B9D1: variants seen among roughly 807,000 people sequenced by gnomAD.
B9D1 encodes B9 domain-containing protein 1.
In B9D1, 20 loss-of-function variants were observed where a neutral mutation model predicts 26.1. The observed-to-expected ratio is 0.77, with a 90% CI of 0.54 to 1.12. B9D1 has a LOEUF of 1.12. Among genes scored for constraint, B9D1 ranks in the 50% most tolerant of loss-of-function variants. The probability of loss-of-function intolerance (pLI) is 0.00; values close to 1 mark genes in which losing one functional copy is unlikely to be tolerated. For missense variants in B9D1, 260 were observed against 273.7 expected (o/e 0.95, Z 0.35); for synonymous variants, 105 against 103.1 (o/e 1.02, Z -0.11).
chr17:19,342,926 C>T (rs1908141280), downstream of B9D1: 2 of 290,722 alleles, frequency 6.9e-6, no homozygotes, highest in African/African-American at 4.5e-5. Context: ...GTGCCATGCC[C>T]AGTTAGTTCA....
At chr17:19,336,308 T>G (rs1474769326), downstream of B9D1, 4 of 152,438 alleles carry the variant, frequency 2.6e-5, no homozygotes, top group East Asian at 7.7e-4. Flanking sequence ...AGAAAGGTGC[T>G]TTCCTTCAGA....
intron 5 of B9D1, among the ~76,000 whole-genome samples, chr17:19,344,339 T>G (rs1015327801): frequency 5.9e-5 from 9 of 152,166 alleles, no homozygotes; most frequent in African/African-American, 1.9e-4. Flanking sequence ...TCCTCAGCCT[T>G]ACCTCCCACT....
chr17:19,354,466 C>T (rs1555609453), intron 3 of B9D1, among the ~76,000 whole-genome samples: 1 of 152,232 alleles, frequency 6.6e-6, no homozygotes, highest in Non-Finnish European at 1.5e-5. Context: ...CATAATGAAA[C>T]ATAAATCTTA....
chr17:19,344,313 G>C (rs2152254510), intron 5 of B9D1, among the ~76,000 whole-genome samples: 2 of 152,340 alleles, frequency 1.3e-5, no homozygotes, highest in Non-Finnish European at 2.9e-5. Context: ...GGGGTGGGCA[G>C]AAGGGCCAGA....
chr17:19,367,360 G>A (rs1395244446), upstream of B9D1, among the ~76,000 whole-genome samples: 2 of 141,332 alleles, frequency 1.4e-5, no homozygotes, highest in Non-Finnish European at 3.0e-5. Context: ...TGCCCAGGCT[G>A]GAGTGCAGTG....
downstream of B9D1, chr17:19,335,385 A>G (rs1317000611): frequency 1.3e-6 from 2 of 1,547,498 alleles, no homozygotes; most frequent in African/African-American, 2.7e-5. Context: ...TTATCAACTA[A>G]TTCCTTTTTT....
chr17:19,374,126 T>G (rs939642924), intron 1 of B9D1, among the ~76,000 whole-genome samples: 1 of 152,194 alleles, frequency 6.6e-6, no homozygotes, highest in Non-Finnish European at 1.5e-5. Context: ...CTGAAACACA[T>G]GTCATCTCAG....
At chr17:19,358,611 T>C (rs1196135712) in intron 2 of B9D1, among the ~76,000 whole-genome samples, 1 of 152,218 alleles carries the variant, frequency 6.6e-6, no homozygotes, top group Non-Finnish European at 1.5e-5. Context: ...GCTTACTCCT[T>C]GATACACTGT....
At chr17:19,335,561 T>G (rs1907374260), downstream of B9D1, 28 of 1,236,100 alleles carry the variant, frequency 2.3e-5, no homozygotes, top group East Asian at 1.1e-4. Context: ...GGGCGTGGGG[T>G]GGGGGGTGCT....
chr17:19,367,415 G>A (rs1248367549), upstream of B9D1, among the ~76,000 whole-genome samples: 1 of 150,726 alleles, frequency 6.6e-6, no homozygotes, highest in Non-Finnish European at 1.5e-5. Flanking sequence ...GGGTTCAAGC[G>A]ATTCTCCTGC....
chr17:19,339,283 T>C (rs1907708525), downstream of B9D1, among the ~76,000 whole-genome samples: 1 of 152,154 alleles, frequency 6.6e-6, no homozygotes, highest in African/African-American at 2.4e-5. Flanking sequence ...CTTACTGTGA[T>C]AGCATTCCAA....
At chr17:19,344,449 GC>G in intron 5 of B9D1, 1 of 255,502 alleles carries the variant, frequency 3.9e-6, no homozygotes, top group Non-Finnish European at 8.0e-6. Flanking sequence ...GCCCTCCCCA[GC>G]CCCAGACCCC....
downstream of B9D1, chr17:19,341,398 A>C: frequency 9.2e-7 from 1 of 1,085,796 alleles, no homozygotes; most frequent in Non-Finnish European, 1.2e-6. Context: ...GTCCCATGAC[A>C]CGTGGGGCAC....
chr17:19,346,507 G>A (rs187387128), intron 5 of B9D1, among the ~76,000 whole-genome samples: 4 of 152,318 alleles, frequency 2.6e-5, no homozygotes, highest in Admixed American at 6.5e-5. Context: ...GCCGGTGGGC[G>A]GCAGAGGCTT....
chr17:19,341,428 G>T, downstream of B9D1: 1 of 807,470 alleles, frequency 1.2e-6, no homozygotes, highest in Non-Finnish European at 1.7e-6. Flanking sequence ...CTGGCGTGAA[G>T]GAGCCCGTGT....
chr17:19,368,618 A>G (rs1911718229), intron 1 of B9D1, among the ~76,000 whole-genome samples: 1 of 152,174 alleles, frequency 6.6e-6, no homozygotes, highest in African/African-American at 2.4e-5. Flanking sequence ...ATTGCTGGCC[A>G]AATTCTGAAA....
chr17:19,374,892 A>G (rs985096197), intron 1 of B9D1, among the ~76,000 whole-genome samples: 6 of 152,246 alleles, frequency 3.9e-5, no homozygotes, highest in Non-Finnish European at 8.8e-5. Flanking sequence ...AAATCATCTA[A>G]TAAGGTAATA....
In B9D1 at chr17:19,355,556, G is replaced by A. The variant is rs533868831; in HGVS notation, c.244+2284C>T. On this transcript the variant is annotated intron_variant, in intron 3 of 6. Transcript: ENST00000261499. ...AAAAAAAAAAAAAAATCGGCTGGGCGTGGTGGCTCACGCCTGTAATCCCAG... is the reference window on the plus strand; with the variant it reads ...AAAAAAAAAAAAAAATCGGCTGGGCATGGTGGCTCACGCCTGTAATCCCAG... Among the ~76,000 whole-genome samples the A allele has an allele frequency of 1.4e-3, 219 of 151,144 alleles. 1 individual carries two copies. Among genetic ancestry groups the A allele is most frequent in the Middle Eastern group, 6.8e-3 (2 of 292 alleles).
At chr17:19,356,051 A>T (rs1463085585) in intron 3 of B9D1, among the ~76,000 whole-genome samples, 3 of 152,108 alleles carry the variant, frequency 2.0e-5, no homozygotes, top group Non-Finnish European at 4.4e-5. Flanking sequence ...AATATATAGA[A>T]ATAATTTTAT....
Sources: allele counts gnomAD v4.1 joint callset (sites outside exome capture counted in the v4.1 genomes callset), GRCh38; gene constraint gnomAD v4.1.1; transcripts MANE v1.5; gene names NCBI Gene and HGNC (gene_info 2026-07-23, HGNC 2026-07-21).